NDEL1: variants seen among roughly 807,000 people sequenced by gnomAD.
NDEL1 encodes nuclear distribution protein nudE-like 1.
NDEL1 carries 9 observed loss-of-function variants against 45.7 expected under a neutral mutation model. That is an observed-to-expected ratio of 0.20 (90% CI 0.12 to 0.34). The LOEUF (loss-of-function observed/expected upper bound fraction) is 0.34, where lower values mean the gene tolerates loss of function less well. Ranked by LOEUF, NDEL1 falls within the 10% of genes least tolerant of loss-of-function variation. The probability of loss-of-function intolerance (pLI) is 1.00; values close to 1 mark genes in which losing one functional copy is unlikely to be tolerated. For missense variants in NDEL1, 306 were observed against 406.2 expected (o/e 0.75, Z 2.12); for synonymous variants, 133 against 158.6 (o/e 0.84, Z 1.21).
chr17:8,446,687 G>T, intron 3 of NDEL1, 67 bp from the exon 4 acceptor site: 3 of 1,505,700 alleles, frequency 2.0e-6, no homozygotes, highest in Non-Finnish European at 2.7e-6. Flanking sequence ...CTTTTAACTT[G>T]AGTTACCTCT....
At chr17:8,458,517 A>G (rs1281545854) in intron 7 of NDEL1, among the ~76,000 whole-genome samples, 1 of 151,028 alleles carries the variant, frequency 6.6e-6, no homozygotes. Context: ...GCGTGTCTTG[A>G]ATATAGGAAT....
At chr17:8,457,715 C>T (rs1285640188) in intron 7 of NDEL1, among the ~76,000 whole-genome samples, 3 of 152,116 alleles carry the variant, frequency 2.0e-5, no homozygotes, top group African/African-American at 4.8e-5. Context: ...GTAGCCATTC[C>T]TCCTTTTTGT....
At chr17:8,451,788 C>A (rs1366341850) in intron 6 of NDEL1, among the ~76,000 whole-genome samples, 1 of 151,588 alleles carries the variant, frequency 6.6e-6, no homozygotes, top group Non-Finnish European at 1.5e-5. Context: ...TTTTTTTTTC[C>A]ACCCTATATT....
At chr17:8,473,466 C>T (rs1421193940) in intron 3 of NDEL1, among the ~76,000 whole-genome samples, 5 of 152,298 alleles carry the variant, frequency 3.3e-5, no homozygotes, top group African/African-American at 4.8e-5. Context: ...GGATTACAGG[C>T]GTGAGCACCA....
At chr17:8,444,604 A>C in intron 2 of NDEL1, 1 of 393,288 alleles carries the variant, frequency 2.5e-6, no homozygotes, top group South Asian at 3.2e-5. Context: ...TCTGATTGTT[A>C]CCTGTTCTAT....
intron 1 of NDEL1, among the ~76,000 whole-genome samples, chr17:8,413,590 T>C (rs1908474076): frequency 1.3e-5 from 2 of 152,240 alleles, no homozygotes; most frequent in Middle Eastern, 3.4e-3. Context: ...GCAGAGGGAG[T>C]TCATAGGGTT....
chr17:8,448,850 A>G (rs1910267667), intron 5 of NDEL1, among the ~76,000 whole-genome samples, 164 bp downstream of exon 5: 1 of 152,202 alleles, frequency 6.6e-6, no homozygotes, highest in African/African-American at 2.4e-5. Flanking sequence ...TTTCATATAT[A>G]CGGGCTGACT....
chr17:8,441,011 G>T lies in NDEL1; in HGVS notation c.-12-3249G>T, dbSNP rs1346304634. ...CAAATAAATGTTAGATGCCAAGGAA[G>T]GTATCTAACAGTCATTAGGAACTTC... On this transcript the variant is annotated intron_variant, in intron 1 of 8. Transcript: ENST00000334527. Among the ~76,000 whole-genome samples, 3 of 152,252 alleles carry T rather than the reference G, an allele frequency of 2.0e-5. No individual in the cohort carries two copies. The East Asian group carries it at 5.8e-4, about 29-fold the overall frequency.
chr17:8,473,738 C>T (rs78490476), intron 3 of NDEL1, among the ~76,000 whole-genome samples: 1,945 of 152,314 alleles, frequency 0.013, 14 homozygotes, highest in Non-Finnish European at 0.02. Context: ...AACAAGAAAT[C>T]GGCATTCTCT....
intron 4 of NDEL1, among the ~76,000 whole-genome samples, chr17:8,447,520 A>G (rs560732297): frequency 1.3e-5 from 2 of 152,254 alleles, no homozygotes; most frequent in African/African-American, 4.8e-5. Flanking sequence ...TAACACTTCC[A>G]TACTTCCTGT....
At chr17:8,453,520 CAA>C (rs948631726) in intron 6 of NDEL1, among the ~76,000 whole-genome samples, 25 of 152,070 alleles carry the variant, frequency 1.6e-4, no homozygotes, top group African/African-American at 5.5e-4. Context: ...TAGTTCAGCT[CAA>C]GAGCCGTTAA....
At chr17:8,471,511 G>T (rs1911832290), downstream of NDEL1, among the ~76,000 whole-genome samples, 1 of 152,206 alleles carries the variant, frequency 6.6e-6, no homozygotes, top group Non-Finnish European at 1.5e-5. Context: ...GCTCTGCATG[G>T]GGATCTGTGA....
chr17:8,438,064 T>C (rs1335322786), intron 1 of NDEL1, among the ~76,000 whole-genome samples: 5 of 152,184 alleles, frequency 3.3e-5, no homozygotes, highest in Non-Finnish European at 5.9e-5. Context: ...ATTCAAGCGA[T>C]TCTCCTGCCT....
intron 1 of NDEL1, among the ~76,000 whole-genome samples, chr17:8,430,826 G>A (rs750158446): frequency 6.6e-6 from 1 of 152,094 alleles, no homozygotes; most frequent in Non-Finnish European, 1.5e-5. Context: ...TATTTTTTCT[G>A]GATTTGGTAT....
At chr17:8,456,653 C>T (rs1205275902) in intron 7 of NDEL1, among the ~76,000 whole-genome samples, 1 of 152,090 alleles carries the variant, frequency 6.6e-6, no homozygotes, top group Non-Finnish European at 1.5e-5. Flanking sequence ...CACATGCCAC[C>T]ACACCTGGCT....
chr17:8,428,946 T>C (rs1458521000), intron 1 of NDEL1, among the ~76,000 whole-genome samples: 1 of 152,234 alleles, frequency 6.6e-6, no homozygotes, highest in East Asian at 1.9e-4. Flanking sequence ...GTGCTGGGAT[T>C]ACAGGCATGA....
At chr17:8,462,998 A>G (rs1911316633) in intron 8 of NDEL1, 1 of 230,230 alleles carries the variant, frequency 4.3e-6, no homozygotes, top group Non-Finnish European at 8.4e-6. Flanking sequence ...CTAGTCTGTG[A>G]GCACTTCTGC....
At chr17:8,416,985 C>A (rs928411212) in intron 1 of NDEL1, among the ~76,000 whole-genome samples, 19 of 152,016 alleles carry the variant, frequency 1.2e-4, no homozygotes, top group Admixed American at 1.2e-3. Context: ...TTTGAAGCCC[C>A]GTGTTCTTGT....
intron 7 of NDEL1, among the ~76,000 whole-genome samples, chr17:8,456,146 T>C (rs1181893913): frequency 1.3e-5 from 2 of 152,230 alleles, no homozygotes; most frequent in African/African-American, 2.4e-5. Flanking sequence ...AAAGCAGATA[T>C]GGGAGGCCAA....
Sources: gnomAD v4.1 joint callset for allele counts (sites outside exome capture counted in the v4.1 genomes callset) on GRCh38, gnomAD v4.1.1 for gene constraint, MANE v1.5 for transcripts, NCBI Gene and HGNC (gene_info 2026-07-23, HGNC 2026-07-21) for gene names.